Variants in RASGEF1A observed in about 807,000 individuals in gnomAD.
The protein encoded by RASGEF1A is ras-GEF domain-containing family member 1A.
Under a neutral mutation model 56.4 loss-of-function variants are expected in RASGEF1A, and 18 were observed. The ratio of observed to expected loss-of-function variants is 0.32; its 90% confidence interval spans 0.22 to 0.47. RASGEF1A has a LOEUF of 0.47. Ranked by LOEUF, RASGEF1A falls within the 20% of genes least tolerant of loss-of-function variation. The pLI is 1.00. For synonymous variants in RASGEF1A, 245 were observed against 242.6 expected, an observed-to-expected ratio of 1.01 and a Z score of -0.09; for missense variants, 422 against 627.1, an observed-to-expected ratio of 0.67 and a Z score of 3.49.
chr10:43,242,858 A>C (rs1840518764), intron 1 of RASGEF1A, among the ~76,000 whole-genome samples: 2 of 152,144 alleles, frequency 1.3e-5, no homozygotes, highest in African/African-American at 4.8e-5. Flanking sequence ...GCTGGAGTGC[A>C]GTGGCGTGAT....
intron 1 of RASGEF1A, among the ~76,000 whole-genome samples, chr10:43,222,015 C>T (rs1840215369): frequency 6.6e-6 from 1 of 152,192 alleles, no homozygotes; most frequent in South Asian, 2.1e-4. Context: ...GCGATTTCGT[C>T]GTTGTGCAAA....
rs199640575 is a variant in RASGEF1A at position 43,200,663 on chromosome 10, T to C, written c.681+4A>G. 3.8e-5 allele frequency: 62 copies of C among 1,610,882 alleles called. No individual in the cohort carries two copies. In the Admixed American group the frequency reaches 9.8e-4, roughly 26 times the overall value. ...CCCCAGTCAGGGCATAAGGCAGCAC[T>C]GACCAGCTCAATGTGAGTCAGCTGC... On this transcript the variant is annotated splice_donor_region_variant and intron_variant, in intron 5 of 12. Coordinates refer to ENST00000395810, the MANE Select transcript of RASGEF1A (RefSeq NM_145313.4).
Position 43,196,963 on chromosome 10 carries a change from A to C in RASGEF1A, c.1348+13T>G, listed in dbSNP as rs1434016795. ...GGGGTGGGAGGCATGCTGCGTTGGGAGGCAGCCCTCACCTTCCTCGCTGTA... is the reference window on the plus strand; with the variant it reads ...GGGGTGGGAGGCATGCTGCGTTGGGCGGCAGCCCTCACCTTCCTCGCTGTA... On this transcript the variant is annotated intron_variant, in intron 11 of 12. Coordinates refer to ENST00000395810, the MANE Select transcript of RASGEF1A (RefSeq NM_145313.4). This position sits in a 1 kb window ranked among gnomAD's most constrained non-coding sequence, Gnocchi z 4.6. 6.2e-7 allele frequency: 1 copy of C among 1,612,210 alleles called. No homozygotes were observed. The highest frequency in any genetic ancestry group is 1.3e-5 in the African/African-American group (1 of 74,898).
intron 1 of RASGEF1A, among the ~76,000 whole-genome samples, chr10:43,254,345 C>T (rs1419345943): frequency 6.6e-6 from 1 of 152,202 alleles, no homozygotes; most frequent in Non-Finnish European, 1.5e-5. Context: ...CCACTTGTTG[C>T]CCCCTTAGAT....
intron 1 of RASGEF1A, among the ~76,000 whole-genome samples, chr10:43,225,446 T>G (rs535149707): frequency 3.3e-4 from 50 of 151,966 alleles, no homozygotes; most frequent in African/African-American, 1.2e-3. Context: ...TATGTGTCTG[T>G]GTTTGTGTGT....
At chr10:43,265,818 G>A (rs931486563) in intron 1 of RASGEF1A, among the ~76,000 whole-genome samples, 1 of 152,254 alleles carries the variant, frequency 6.6e-6, no homozygotes, top group South Asian at 2.1e-4. Context: ...GCATCCGGAG[G>A]GGGCGGGAGA....
chr10:43,266,624 G>A (rs1485448181), intron 1 of RASGEF1A, among the ~76,000 whole-genome samples: 1 of 149,036 alleles, frequency 6.7e-6, no homozygotes, highest in Non-Finnish European at 1.5e-5. Flanking sequence ...CCAGCCCGGG[G>A]CGGAGTTCTC....
At chr10:43,214,735 AGT>A (rs1389314589) in intron 1 of RASGEF1A, among the ~76,000 whole-genome samples, 4 of 152,238 alleles carry the variant, frequency 2.6e-5, no homozygotes, top group Non-Finnish European at 5.9e-5. Context: ...TGGAGTCTGC[AGT>A]TCTGGAAACT....
At chr10:43,265,350 T>C (rs891255888) in intron 1 of RASGEF1A, among the ~76,000 whole-genome samples, 4 of 152,216 alleles carry the variant, frequency 2.6e-5, no homozygotes, top group African/African-American at 9.7e-5. Context: ...CCCAGGGGCA[T>C]GTGCAGGAGG....
intron 1 of RASGEF1A, among the ~76,000 whole-genome samples, chr10:43,250,822 G>A (rs986529552): frequency 6.6e-6 from 1 of 152,242 alleles, no homozygotes; most frequent in South Asian, 2.1e-4. Flanking sequence ...CCAGCTGGAA[G>A]GGGCAGAGAG....
intron 1 of RASGEF1A, among the ~76,000 whole-genome samples, chr10:43,227,450 C>T (rs1840295359): frequency 6.6e-6 from 1 of 152,324 alleles, no homozygotes; most frequent in South Asian, 2.1e-4. Context: ...GCTCTCCTTC[C>T]CCTGGCCTGT....
chr10:43,199,042 C>CGGGGG, intron 8 of RASGEF1A, 30 bp from the exon 9 acceptor site: 1 of 713,396 alleles, frequency 1.4e-6, no homozygotes, highest in Non-Finnish European at 2.3e-6. Flanking sequence ...GGGTCAGGGC[C>CGGGGG]GGGGGGGTGG....
intron 1 of RASGEF1A, among the ~76,000 whole-genome samples, chr10:43,209,381 G>A (rs745482098): frequency 2.0e-5 from 3 of 152,210 alleles, no homozygotes; most frequent in African/African-American, 7.2e-5. Context: ...AGCAGGGGTA[G>A]GCAGGGAGCC....
intron 2 of RASGEF1A, 51 bp downstream of exon 2, chr10:43,205,868 G>A (rs1261210605): frequency 6.8e-7 from 1 of 1,468,078 alleles, no homozygotes; most frequent in Non-Finnish European, 9.5e-7. Flanking sequence ...GACATCTCCT[G>A]GAGCCCAGGT....
chr10:43,197,269 C>G (rs1839813893), intron 10 of RASGEF1A, among the ~76,000 whole-genome samples, 170 bp from the exon 11 acceptor site: 1 of 152,206 alleles, frequency 6.6e-6, no homozygotes, highest in Non-Finnish European at 1.5e-5. Context: ...GCACGCCATG[C>G]AGCCTCAGAG....
intron 8 of RASGEF1A, 32 bp downstream of exon 8, chr10:43,199,057 TGCA>T: frequency 6.2e-7 from 1 of 1,608,180 alleles, no homozygotes; most frequent in South Asian, 1.1e-5. Context: ...GGGTGGGCCA[TGCA>T]GCAGCCCCAC....
intron 3 of RASGEF1A, chr10:43,202,764 C>T (rs1839923090): frequency 2.2e-6 from 1 of 463,828 alleles, no homozygotes; most frequent in African/African-American, 2.0e-5. Context: ...CCGCTCCCAC[C>T]ACGCCCCTAA....
chr10:43,240,381 T>C (rs187924579), intron 1 of RASGEF1A, among the ~76,000 whole-genome samples: 1 of 152,328 alleles, frequency 6.6e-6, no homozygotes, highest in East Asian at 1.9e-4. Flanking sequence ...GAGAATCTGA[T>C]TTCCAGAATT....
rs1356520069 is a variant in RASGEF1A at position 43,194,692 on chromosome 10, C to CA, written c.*1551dup. The CA allele has an allele frequency of 6.6e-6, 1 of 152,306 alleles. No individual in the cohort carries two copies. Among genetic ancestry groups the CA allele is most frequent in the Non-Finnish European group, 1.5e-5 (1 of 68,046 alleles). 9.4% of individuals were successfully genotyped at this position (152,306 alleles called of 1,614,324 possible). A position where few individuals can be genotyped will look rare whatever the true frequency, so the allele number is the denominator to read the frequency against. On this transcript the variant is annotated 3_prime_UTR_variant, in exon 13 of 13. Coordinates refer to ENST00000395810, the MANE Select transcript of RASGEF1A (RefSeq NM_145313.4). ...TTGGGAAAATAAAGTAGCAGACAGA[C>CA]ACTGTTTCAAGTAGGTACTAGAACT...
Sources: gnomAD v4.1 joint callset for allele counts (sites outside exome capture counted in the v4.1 genomes callset) on GRCh38, gnomAD v4.1.1 for gene constraint, Gnocchi (gnomAD v3.1) non-coding constraint, MANE v1.5 for transcripts, NCBI Gene and HGNC (gene_info 2026-07-23, HGNC 2026-07-21) for gene names.